MYO3B: variants seen among roughly 807,000 people sequenced by gnomAD.
MYO3B encodes myosin IIIB, also known as myosin-IIIb.
Under a neutral mutation model 174.6 loss-of-function variants are expected in MYO3B, and 156 were observed. The observed-to-expected ratio is 0.89, with a 90% CI of 0.78 to 1.02. The LOEUF (loss-of-function observed/expected upper bound fraction) is 1.02, where lower values mean the gene tolerates loss of function less well. Ranked by LOEUF, MYO3B falls within the 50% of genes least tolerant of loss-of-function variation. The pLI, the probability that MYO3B is intolerant of heterozygous loss-of-function variation, is 0.00. For synonymous variants in MYO3B, 563 were observed against 569.1 expected, an observed-to-expected ratio of 0.99 and a Z score of 0.15; for missense variants, 1,632 against 1,639.4, an observed-to-expected ratio of 1.00 and a Z score of 0.08.
At chr2:170,215,119 C>A (rs575298888) in intron 5 of MYO3B, among the ~76,000 whole-genome samples, 2 of 152,334 alleles carry the variant, frequency 1.3e-5, no homozygotes, top group South Asian at 4.1e-4. Flanking sequence ...AATTTCACAT[C>A]TCAGGGCAAT....
chr2:170,227,578 C>T (rs1029577316), intron 6 of MYO3B, among the ~76,000 whole-genome samples: 10 of 152,174 alleles, frequency 6.6e-5, no homozygotes, highest in Admixed American at 6.5e-4. Flanking sequence ...AGCCACAGTG[C>T]CCGGCCTCCC....
intron 22 of MYO3B, among the ~76,000 whole-genome samples, chr2:170,420,867 A>G (rs2094610065): frequency 6.6e-6 from 1 of 151,944 alleles, no homozygotes; most frequent in Admixed American, 6.6e-5. Flanking sequence ...GACACCCCTC[A>G]TCACCACACC....
intron 8 of MYO3B, among the ~76,000 whole-genome samples, chr2:170,347,518 C>T (rs1023588280): frequency 3.9e-5 from 6 of 152,128 alleles, no homozygotes; most frequent in African/African-American, 1.4e-4. Context: ...ATGAGAATCG[C>T]TTGAACCCGG....
chr2:170,275,895 G>A (rs886181924), intron 7 of MYO3B, among the ~76,000 whole-genome samples: 5 of 152,152 alleles, frequency 3.3e-5, no homozygotes, highest in Admixed American at 2.6e-4. Context: ...TCTGCATATA[G>A]TTATAGTGGT....
intron 25 of MYO3B, among the ~76,000 whole-genome samples, chr2:170,473,139 C>CTTTTTTTT (rs66837903): frequency 5.9e-4 from 57 of 96,454 alleles, no homozygotes; most frequent in Non-Finnish European, 1.0e-3. Flanking sequence ...TTTTTCTTTT[C>CTTTTTTTT]TTTTTTTTTT....
intron 9 of MYO3B, among the ~76,000 whole-genome samples, chr2:170,372,118 CAAAAAAAAAAAAAA>C (rs769243145): frequency 1.4e-4 from 3 of 22,214 alleles, no homozygotes; most frequent in African/African-American, 2.5e-4. Context: ...GACCCTGTCT[CAAAAAAAAAAAAAA>C]AAAAAAAAAA....
At chr2:170,468,792 T>C (rs1366812780) in intron 25 of MYO3B, among the ~76,000 whole-genome samples, 1 of 152,106 alleles carries the variant, frequency 6.6e-6, no homozygotes. Context: ...TGATGCATAG[T>C]CTCTCAGAAT....
chr2:170,467,640 T>C (rs1258812144), intron 25 of MYO3B, among the ~76,000 whole-genome samples: 1 of 151,976 alleles, frequency 6.6e-6, no homozygotes, highest in Non-Finnish European at 1.5e-5. Context: ...AAAAAATACA[T>C]TGTAGAATCT....
At chr2:170,622,609 C>T (rs1170034166) in intron 32 of MYO3B, among the ~76,000 whole-genome samples, 1 of 152,026 alleles carries the variant, frequency 6.6e-6, no homozygotes, top group Non-Finnish European at 1.5e-5. Flanking sequence ...TTCTAGGGTA[C>T]ATGTGCACAA....
intron 7 of MYO3B, among the ~76,000 whole-genome samples, chr2:170,270,257 T>C (rs2093416240): frequency 6.6e-6 from 1 of 152,170 alleles, no homozygotes; most frequent in Non-Finnish European, 1.5e-5. Context: ...TTACAAAAAC[T>C]AACAGGAAGA....
intron 7 of MYO3B, among the ~76,000 whole-genome samples, chr2:170,259,240 G>T (rs1324867304): frequency 6.6e-6 from 1 of 152,046 alleles, no homozygotes; most frequent in East Asian, 1.9e-4. Context: ...AACAAAAAAA[G>T]AGCCCAAATA....
intron 13 of MYO3B, 89 bp downstream of exon 13, chr2:170,386,361 T>C: frequency 8.9e-7 from 1 of 1,128,960 alleles, no homozygotes; most frequent in Non-Finnish European, 1.3e-6. Flanking sequence ...CTGGGTTTTT[T>C]TTATTAAGGC....
At chr2:170,392,565 T>C in intron 16 of MYO3B, 70 bp downstream of exon 16, 1 of 1,046,376 alleles carries the variant, frequency 9.6e-7, no homozygotes, top group Non-Finnish European at 1.3e-6. Context: ...GATGTGGTAT[T>C]TCTCACTTGG....
chr2:170,297,793 G>A (rs971773115), intron 7 of MYO3B, among the ~76,000 whole-genome samples: 2 of 152,146 alleles, frequency 1.3e-5, no homozygotes, highest in Admixed American at 1.3e-4. Flanking sequence ...TTATCAGTCT[G>A]ATGAATGTTA....
chr2:170,248,942 G>A (rs995623102), intron 7 of MYO3B, among the ~76,000 whole-genome samples: 1 of 152,194 alleles, frequency 6.6e-6, no homozygotes, highest in African/African-American at 2.4e-5. Context: ...CTTCAAGAGC[G>A]TGCTCCTTAT....
intron 8 of MYO3B, among the ~76,000 whole-genome samples, chr2:170,363,628 G>A (rs1218991449): frequency 6.6e-6 from 1 of 152,172 alleles, no homozygotes; most frequent in East Asian, 1.9e-4. Context: ...TTAATGTGGT[G>A]ACACTAATAG....
intron 8 of MYO3B, among the ~76,000 whole-genome samples, chr2:170,347,067 A>G (rs1254436404): frequency 3.3e-5 from 5 of 152,252 alleles, no homozygotes; most frequent in South Asian, 4.1e-4. Flanking sequence ...CATATGTTCA[A>G]CTAAATCAGC....
intron 32 of MYO3B, chr2:170,602,269 T>G (rs1694559687): frequency 1.3e-6 from 1 of 781,044 alleles, no homozygotes; most frequent in Admixed American, 1.7e-5. Context: ...AGTCACCCAG[T>G]GCCCGTCCGG....
intron 3 of MYO3B, among the ~76,000 whole-genome samples, chr2:170,201,096 T>G (rs73025178): frequency 0.034 from 5,230 of 152,206 alleles, 289 homozygotes; most frequent in African/African-American, 0.12. Flanking sequence ...CATTTTTTTC[T>G]CCAACAATCC....
Sources: gnomAD v4.1 joint callset for allele counts (sites outside exome capture counted in the v4.1 genomes callset) on GRCh38, gnomAD v4.1.1 for gene constraint, MANE v1.5 for transcripts, NCBI Gene and HGNC (gene_info 2026-07-23, HGNC 2026-07-21) for gene names.